CCSER1: variants seen among roughly 807,000 people sequenced by gnomAD.
The protein encoded by CCSER1 is coiled-coil serine rich protein 1.
Under a neutral mutation model 82.0 loss-of-function variants are expected in CCSER1, and 41 were observed. The observed-to-expected ratio is 0.50, with a 90% confidence interval of 0.39 to 0.65. The LOEUF is 0.65. CCSER1 is among the 30% of genes least tolerant of loss of function. The probability of loss-of-function intolerance (pLI) is 0.00; values close to 1 mark genes in which losing one functional copy is unlikely to be tolerated. For synonymous variants in CCSER1, 414 were observed against 383.9 expected (o/e 1.08, Z -0.92); for missense variants, 1,119 against 1,064.2 (o/e 1.05, Z -0.72).
chr4:91,561,396 C>A (rs1762645269), intron 10 of CCSER1, among the ~76,000 whole-genome samples: 1 of 151,360 alleles, frequency 6.6e-6, no homozygotes, highest in South Asian at 2.1e-4. Flanking sequence ...TATTCTGAGA[C>A]CTTTATCTGG....
chr4:90,924,228 T>G (rs1271646010), intron 9 of CCSER1, among the ~76,000 whole-genome samples: 3 of 152,164 alleles, frequency 2.0e-5, no homozygotes, highest in African/African-American at 7.2e-5. Flanking sequence ...TGCTGATAAG[T>G]AGAAATAAAA....
intron 7 of CCSER1, among the ~76,000 whole-genome samples, chr4:90,731,829 T>A (rs1446802289): frequency 6.6e-6 from 1 of 152,198 alleles, no homozygotes; most frequent in Non-Finnish European, 1.5e-5. Flanking sequence ...TCTAAAATAA[T>A]AATTTATTAT....
At chr4:91,229,498 A>G (rs547605510) in intron 10 of CCSER1, among the ~76,000 whole-genome samples, 1 of 152,070 alleles carries the variant, frequency 6.6e-6, no homozygotes, top group Non-Finnish European at 1.5e-5. Context: ...AGTTTAAAAA[A>G]TTTGATTTCT....
At chr4:90,582,252 T>C (rs1230671083) in intron 5 of CCSER1, among the ~76,000 whole-genome samples, 6 of 152,194 alleles carry the variant, frequency 3.9e-5, no homozygotes, top group African/African-American at 1.4e-4. Flanking sequence ...CATTCCCTAG[T>C]AGCTGGCAAA....
intron 5 of CCSER1, among the ~76,000 whole-genome samples, chr4:90,579,882 T>C (rs1043719111): frequency 2.7e-5 from 4 of 150,660 alleles, no homozygotes; most frequent in African/African-American, 1.0e-4. Context: ...TTTTTAAAGA[T>C]GGCTAAAGTC....
intron 1 of CCSER1, among the ~76,000 whole-genome samples, chr4:90,248,193 A>G (rs1721783665): frequency 1.3e-5 from 2 of 152,216 alleles, no homozygotes. Context: ...AAACAAGTAC[A>G]TATAACACTG....
intron 4 of CCSER1, among the ~76,000 whole-genome samples, chr4:90,460,054 C>T (rs1026441799): frequency 3.4e-5 from 5 of 146,306 alleles, no homozygotes; most frequent in South Asian, 2.1e-4. Flanking sequence ...CGGCCGGGCG[C>T]GGTGGCTCAC....
intron 10 of CCSER1, among the ~76,000 whole-genome samples, chr4:91,449,920 A>G (rs1400690397): frequency 2.0e-5 from 3 of 152,120 alleles, no homozygotes; most frequent in African/African-American, 4.8e-5. Context: ...AATTGAAAGT[A>G]GTTTCAATAT....
chr4:90,324,987 G>A (rs545431647), intron 3 of CCSER1, among the ~76,000 whole-genome samples: 61 of 152,240 alleles, frequency 4.0e-4, no homozygotes, highest in Middle Eastern at 3.4e-3. Context: ...TTGTATATAC[G>A]TGGCGTTATT....
At chr4:90,189,383 A>C (rs1481579194) in intron 1 of CCSER1, among the ~76,000 whole-genome samples, 1 of 151,916 alleles carries the variant, frequency 6.6e-6, no homozygotes, top group Non-Finnish European at 1.5e-5. Context: ...AACTGCCTAA[A>C]GGAAAGGATC....
At chr4:91,088,476 A>G (rs1018797170) in intron 10 of CCSER1, among the ~76,000 whole-genome samples, 1 of 152,192 alleles carries the variant, frequency 6.6e-6, no homozygotes, top group South Asian at 2.1e-4. Context: ...TTGAAACTAT[A>G]TGCTGTATAA....
In CCSER1 at chr4:90,601,373, A is replaced by G. The variant is rs187661700; in HGVS notation, c.1725-26652A>G. 4.6e-5 allele frequency among the ~76,000 whole-genome samples: 7 copies of G among 151,980 alleles called. No homozygotes were observed. The East Asian group carries it at 1.4e-3, about 29-fold the overall frequency. On this transcript the variant is annotated intron_variant, in intron 5 of 10. Coordinates refer to ENST00000509176, the MANE Select transcript of CCSER1 (RefSeq NM_001145065.2). ...TTTCCTTTCTGTTTCTATTTTGTTG[A>G]AAGTTTTTATCAGGAATGAATATTG...
At chr4:90,583,372 G>A (rs1194524315) in intron 5 of CCSER1, among the ~76,000 whole-genome samples, 13 of 151,992 alleles carry the variant, frequency 8.6e-5, no homozygotes, top group Admixed American at 8.5e-4. Context: ...CACCATGTTG[G>A]TCAGGTTGGC....
At chr4:90,940,483 G>C (rs1442825776) in intron 9 of CCSER1, among the ~76,000 whole-genome samples, 1 of 151,338 alleles carries the variant, frequency 6.6e-6, no homozygotes, top group Non-Finnish European at 1.5e-5. Flanking sequence ...GACTCTTAAA[G>C]TGTTTTATAA....
chr4:91,347,239 C>T (rs983225241), intron 10 of CCSER1, among the ~76,000 whole-genome samples: 2 of 152,078 alleles, frequency 1.3e-5, no homozygotes, highest in African/African-American at 2.4e-5. Context: ...TGTGAAAAGA[C>T]TATTATATTT....
Position 91,384,472 on chromosome 4 carries a change from A to G in CCSER1, c.2218-214100A>G, listed in dbSNP as rs147493573. ...TTGAAATGATTTTAAACAGTCAAAAATCTTTTTTTTTAAAAAAATAAATGC... is the reference window on the plus strand; with the variant it reads ...TTGAAATGATTTTAAACAGTCAAAAGTCTTTTTTTTTAAAAAAATAAATGC... On this transcript the variant is annotated intron_variant, in intron 10 of 10. Coordinates refer to ENST00000509176, the MANE Select transcript of CCSER1 (RefSeq NM_001145065.2). 6.9e-3 allele frequency among the ~76,000 whole-genome samples: 1,052 copies of G among 151,652 alleles called. 8 individuals carry two copies. Among genetic ancestry groups the G allele is most frequent in the African/African-American group, 0.024 (990 of 41,114 alleles).
intron 7 of CCSER1, among the ~76,000 whole-genome samples, chr4:90,799,045 C>A (rs1157905766): frequency 4.6e-5 from 7 of 152,162 alleles, no homozygotes; most frequent in Non-Finnish European, 8.8e-5. Flanking sequence ...TGGTTCCTGC[C>A]TCCCTTCAGG....
chr4:90,159,360 T>TA (rs761415221), intron 1 of CCSER1, among the ~76,000 whole-genome samples: 1 of 152,082 alleles, frequency 6.6e-6, no homozygotes, highest in African/African-American at 2.4e-5. Context: ...CCAGGTTTTA[T>TA]AAAAAAATAT....
At chr4:90,230,220 A>C (rs1744178505) in intron 1 of CCSER1, among the ~76,000 whole-genome samples, 1 of 152,130 alleles carries the variant, frequency 6.6e-6, no homozygotes, top group Non-Finnish European at 1.5e-5. Flanking sequence ...CATACTTGGA[A>C]GTAAAGCTCT....
Sources: allele counts gnomAD v4.1 joint callset (sites outside exome capture counted in the v4.1 genomes callset), GRCh38; gene constraint gnomAD v4.1.1; transcripts MANE v1.5; gene names NCBI Gene and HGNC (gene_info 2026-07-23, HGNC 2026-07-21).